SYN3: variants seen among roughly 807,000 people sequenced by gnomAD.
SYN3 encodes the protein synapsin III.
A neutral mutation model predicts 65.8 loss-of-function variants in SYN3; 35 were observed. That is an observed-to-expected ratio of 0.53 (90% CI 0.41 to 0.70). The LOEUF (loss-of-function observed/expected upper bound fraction) is 0.70. Among genes scored for constraint, SYN3 ranks in the 30% least tolerant of loss-of-function variants. SYN3 has a pLI of 0.00. For missense variants in SYN3, 680 were observed against 749.0 expected, an observed-to-expected ratio of 0.91 and a Z score of 1.08; for synonymous variants, 270 against 292.9, an observed-to-expected ratio of 0.92 and a Z score of 0.80.
At chr22:32,967,193 C>A (rs984581924) in intron 3 of SYN3, among the ~76,000 whole-genome samples, 13 of 152,210 alleles carry the variant, frequency 8.5e-5, no homozygotes, top group African/African-American at 2.4e-4. Context: ...CCAGGCTGTA[C>A]AGCTGCCATC....
intron 6 of SYN3, among the ~76,000 whole-genome samples, chr22:32,847,215 A>G (rs1216132972): frequency 6.6e-6 from 1 of 152,210 alleles, no homozygotes; most frequent in African/African-American, 2.4e-5. Flanking sequence ...TGAAGCTGTT[A>G]TAACCTGCCT....
intron 6 of SYN3, among the ~76,000 whole-genome samples, chr22:32,633,935 C>T (rs1208437748): frequency 6.6e-6 from 1 of 151,848 alleles, no homozygotes; most frequent in Non-Finnish European, 1.5e-5. Flanking sequence ...CAAAAAAAGG[C>T]ATCCTAGGAG....
At chr22:32,936,515 A>G (rs1426022238) in intron 3 of SYN3, among the ~76,000 whole-genome samples, 1 of 152,172 alleles carries the variant, frequency 6.6e-6, no homozygotes, top group Non-Finnish European at 1.5e-5. Flanking sequence ...ACAAACAAAC[A>G]AAAAACCTCA....
chr22:32,658,536 T>A (rs1046364115), intron 6 of SYN3, among the ~76,000 whole-genome samples: 2 of 152,338 alleles, frequency 1.3e-5, no homozygotes, highest in East Asian at 3.9e-4. Context: ...CTCACGCTCA[T>A]TGAAGGCTTT....
At chr22:32,664,713 C>T (rs2060265318) in intron 6 of SYN3, among the ~76,000 whole-genome samples, 1 of 150,846 alleles carries the variant, frequency 6.6e-6, no homozygotes, top group Non-Finnish European at 1.5e-5. Flanking sequence ...GCCTCAGCCT[C>T]CCTTGTAGCT....
At chr22:33,011,593 T>C (rs1569403943) in intron 1 of SYN3, among the ~76,000 whole-genome samples, 1 of 152,196 alleles carries the variant, frequency 6.6e-6, no homozygotes, top group Non-Finnish European at 1.5e-5. Context: ...CCTCACAAAA[T>C]AGGTTGGGAA....
chr22:32,941,849 T>C (rs188681440), intron 3 of SYN3, among the ~76,000 whole-genome samples: 1 of 152,292 alleles, frequency 6.6e-6, no homozygotes, highest in East Asian at 1.9e-4. Flanking sequence ...CCTCGCTCAT[T>C]GCCAGCTCGG....
At chr22:32,874,452 C>G (rs769100077) in intron 4 of SYN3, among the ~76,000 whole-genome samples, 1 of 152,202 alleles carries the variant, frequency 6.6e-6, no homozygotes, top group African/African-American at 2.4e-5. Flanking sequence ...TGACGTGTCA[C>G]AGGGGGATTA....
intron 5 of SYN3, among the ~76,000 whole-genome samples, chr22:32,865,550 C>T (rs1008400884): frequency 1.3e-5 from 2 of 152,322 alleles, no homozygotes; most frequent in Admixed American, 6.5e-5. Flanking sequence ...GTGTCAGAGG[C>T]AGTGCTTTGT....
chr22:32,705,764 C>G (rs2060872903), intron 6 of SYN3, among the ~76,000 whole-genome samples: 1 of 152,190 alleles, frequency 6.6e-6, no homozygotes, highest in African/African-American at 2.4e-5. Flanking sequence ...TTGTAGAGAT[C>G]TGTCACCTCC....
At chr22:33,006,239 C>T in intron 2 of SYN3, 113 bp downstream of exon 2, 3 of 1,276,482 alleles carry the variant, frequency 2.4e-6, no homozygotes, top group Non-Finnish European at 3.2e-6. Flanking sequence ...CAGCCAGGCT[C>T]TGATAGCACC....
At position 32,511,723 on chromosome 22, in the gene SYN3, A is replaced by G. The variant is rs1456579903; in HGVS notation, c.*1969T>C. On this transcript the variant is annotated 3_prime_UTR_variant, in exon 14 of 14. Transcript: ENST00000358763. ...GCCAGTGTTAATCAGGCCTGAGCCT[A>G]CCAGTCTCCAGCTGCCAAATTATGG... Among the ~76,000 whole-genome samples, 1 of 152,202 alleles carries G rather than the reference A, an allele frequency of 6.6e-6. No individual in the cohort carries two copies. The highest frequency in any genetic ancestry group is 1.5e-5 in the Non-Finnish European group (1 of 68,034).
chr22:32,838,115 T>C (rs2047787655), intron 6 of SYN3, among the ~76,000 whole-genome samples: 1 of 152,174 alleles, frequency 6.6e-6, no homozygotes, highest in Non-Finnish European at 1.5e-5. Flanking sequence ...ATAAGCTTCT[T>C]AAAGGTAGGA....
chr22:32,807,346 TAA>T (rs1169794415), intron 6 of SYN3, among the ~76,000 whole-genome samples: 26 of 5,768 alleles, frequency 4.5e-3, no homozygotes, highest in Non-Finnish European at 9.6e-3. Flanking sequence ...ATATAATATA[TAA>T]ATATATAATA....
intron 2 of SYN3, among the ~76,000 whole-genome samples, chr22:32,988,469 G>A (rs1020638300): frequency 5.3e-5 from 8 of 151,980 alleles, no homozygotes; most frequent in African/African-American, 1.5e-4. Context: ...TTTCAAAGAC[G>A]CTGAACATAC....
At chr22:32,941,625 G>A (rs1264530377) in intron 3 of SYN3, among the ~76,000 whole-genome samples, 3 of 152,190 alleles carry the variant, frequency 2.0e-5, no homozygotes, top group Admixed American at 6.5e-5. Flanking sequence ...GCAGCCCACC[G>A]AGCGAGAGCC....
Position 32,508,071 on chromosome 22 carries a change from T to C in SYN3, c.*5621A>G, listed in dbSNP as rs62232667. 0.15 allele frequency among the ~76,000 whole-genome samples: 22,584 copies of C among 152,176 alleles called. 2,126 individuals are homozygous for C. The highest frequency in any genetic ancestry group is 0.22 in the Non-Finnish European group (15,147 of 67,996). On this transcript the variant is annotated 3_prime_UTR_variant, in exon 14 of 14. Coordinates refer to ENST00000358763, the MANE Select transcript of SYN3 (RefSeq NM_003490.4). ...TCTTATTAATATAAGAAGGCAGGAA[T>C]GTCAGGCCTCTGAGCCCAAGCCAAG...
intron 7 of SYN3, among the ~76,000 whole-genome samples, chr22:32,558,711 C>A (rs2058540172): frequency 6.6e-6 from 1 of 152,246 alleles, no homozygotes; most frequent in Non-Finnish European, 1.5e-5. Context: ...GGAGGGCAAG[C>A]TGTACCAGCC....
At chr22:32,622,765 G>A (rs2059613401) in intron 6 of SYN3, among the ~76,000 whole-genome samples, 2 of 152,024 alleles carry the variant, frequency 1.3e-5, no homozygotes, top group Middle Eastern at 3.4e-3. Context: ...TACTAGTGAG[G>A]AATTGGATTT....
Sources: allele counts gnomAD v4.1 joint callset (sites outside exome capture counted in the v4.1 genomes callset), GRCh38; gene constraint gnomAD v4.1.1; transcripts MANE v1.5; gene names NCBI Gene and HGNC (gene_info 2026-07-23, HGNC 2026-07-21).